Variants in ENOX1 observed in about 807,000 individuals in gnomAD.
ENOX1 encodes the protein ecto-NOX disulfide-thiol exchanger 1, also known as candidate growth-related and time keeping constitutive hydroquinone (NADH) oxidase.
In ENOX1, 42 loss-of-function variants were observed where a neutral mutation model predicts 82.5. That is an observed-to-expected ratio of 0.51 (90% CI 0.40 to 0.66). The LOEUF is 0.66. Among genes scored for constraint, ENOX1 ranks in the 30% least tolerant of loss-of-function variants. The pLI, the probability that ENOX1 is intolerant of heterozygous loss-of-function variation, is 0.00. For missense variants in ENOX1, 608 were observed against 811.6 expected (o/e 0.75, Z 3.05); for synonymous variants, 271 against 282.2 (o/e 0.96, Z 0.40).
intron 11 of ENOX1, among the ~76,000 whole-genome samples, chr13:43,319,372 T>C (rs1239614869): frequency 6.6e-6 from 1 of 152,152 alleles, no homozygotes; most frequent in African/African-American, 2.4e-5. Flanking sequence ...GCCAAAGACA[T>C]ATTGCAAATT....
chr13:43,586,726 C>T (rs969170566), intron 2 of ENOX1, among the ~76,000 whole-genome samples: 2 of 152,160 alleles, frequency 1.3e-5, no homozygotes, highest in East Asian at 3.9e-4. Flanking sequence ...CCCAGTCAGA[C>T]ACCATGTCCT....
intron 14 of ENOX1, among the ~76,000 whole-genome samples, chr13:43,254,290 G>A (rs2043625481): frequency 6.6e-6 from 1 of 152,070 alleles, no homozygotes; most frequent in South Asian, 2.1e-4. Context: ...ATATATCTAA[G>A]TATTGTTCTC....
chr13:43,316,927 C>T (rs1446507910), intron 11 of ENOX1, among the ~76,000 whole-genome samples: 1 of 152,192 alleles, frequency 6.6e-6, no homozygotes, highest in African/African-American at 2.4e-5. Flanking sequence ...ATCACATTTC[C>T]TTGTTTGGCC....
At chr13:43,451,110 A>G (rs1336097243) in intron 3 of ENOX1, among the ~76,000 whole-genome samples, 1 of 152,192 alleles carries the variant, frequency 6.6e-6, no homozygotes, top group Non-Finnish European at 1.5e-5. Context: ...AGAAGTAAAA[A>G]TATCATGAAG....
chr13:43,276,946 A>C (rs1374276615), intron 12 of ENOX1, among the ~76,000 whole-genome samples: 2 of 152,100 alleles, frequency 1.3e-5, no homozygotes, highest in Non-Finnish European at 2.9e-5. Flanking sequence ...ATGAAACTGC[A>C]CTCAATTTAC....
At chr13:43,547,618 G>A (rs915935520) in intron 2 of ENOX1, 1 of 152,148 alleles carries the variant, frequency 6.6e-6, no homozygotes, top group Non-Finnish European at 1.5e-5. Context: ...AGGTCTAAAG[G>A]AATACTTTCA....
chr13:43,305,607 A>C (rs2046813701), intron 11 of ENOX1, among the ~76,000 whole-genome samples: 1 of 152,136 alleles, frequency 6.6e-6, no homozygotes, highest in African/African-American at 2.4e-5. Context: ...CTTCCTGAGG[A>C]AGTACTCTGC....
At chr13:43,490,858 G>T (rs2076594846) in intron 2 of ENOX1, among the ~76,000 whole-genome samples, 1 of 152,174 alleles carries the variant, frequency 6.6e-6, no homozygotes, top group Non-Finnish European at 1.5e-5. Flanking sequence ...CTAAGAGAGT[G>T]AGCCTGCAAT....
At chr13:43,252,093 G>A (rs910243628) in intron 14 of ENOX1, among the ~76,000 whole-genome samples, 2 of 152,180 alleles carry the variant, frequency 1.3e-5, no homozygotes, top group Admixed American at 1.3e-4. Flanking sequence ...TTGCAAATTA[G>A]ATTCTGCAAG....
intron 9 of ENOX1, among the ~76,000 whole-genome samples, chr13:43,343,018 T>C (rs2153543605): frequency 6.6e-6 from 1 of 152,358 alleles, no homozygotes; most frequent in Middle Eastern, 3.4e-3. Flanking sequence ...TGAGTCTTCC[T>C]TGCTCATTAG....
rs918165398 is a variant in ENOX1, at chr13:43,637,822, C to T, written c.-219+29657G>A. Among the ~76,000 whole-genome samples, 17 of 152,138 alleles carry T rather than the reference C, an allele frequency of 1.1e-4. 1 individual carries two copies. Among genetic ancestry groups the T allele is most frequent in the Admixed American group, 5.2e-4 (8 of 15,278 alleles). Reference sequence around the variant, plus strand: ...TAACAAATAATTTGAAAATGACAGACACATTTCACCTTCACCCTGCCAGGA... The same window carrying T: ...TAACAAATAATTTGAAAATGACAGATACATTTCACCTTCACCCTGCCAGGA... On this transcript the variant is annotated intron_variant, in intron 2 of 16. Coordinates refer to ENST00000690772, the MANE Select transcript of ENOX1 (RefSeq NM_001347969.2).
intron 1 of ENOX1, among the ~76,000 whole-genome samples, chr13:43,720,963 AG>A (rs2088530385): frequency 6.6e-6 from 1 of 152,242 alleles, no homozygotes; most frequent in Non-Finnish European, 1.5e-5. Flanking sequence ...TGTTCTAAAT[AG>A]TAGTCAACCA....
At chr13:43,596,589 TA>T (rs760457263) in intron 2 of ENOX1, among the ~76,000 whole-genome samples, 45 of 152,222 alleles carry the variant, frequency 3.0e-4, no homozygotes, top group Non-Finnish European at 5.7e-4. Context: ...AACCTAGCAT[TA>T]TTTTTTTCTA....
chr13:43,387,968 C>A (rs1036339663), intron 5 of ENOX1, among the ~76,000 whole-genome samples: 1 of 152,038 alleles, frequency 6.6e-6, no homozygotes, highest in African/African-American at 2.4e-5. Flanking sequence ...GAAAAGTTAA[C>A]CATAGGTGGG....
At chr13:43,273,906 T>C (rs1003402019) in intron 12 of ENOX1, among the ~76,000 whole-genome samples, 4 of 152,190 alleles carry the variant, frequency 2.6e-5, no homozygotes, top group Admixed American at 1.3e-4. Context: ...TTACCTCTAA[T>C]ATATAATAGC....
At chr13:43,682,603 A>G (rs1389973818) in intron 1 of ENOX1, among the ~76,000 whole-genome samples, 1 of 152,184 alleles carries the variant, frequency 6.6e-6, no homozygotes, top group African/African-American at 2.4e-5. Context: ...AAAAAGTAGA[A>G]TTCAACATTA....
intron 2 of ENOX1, among the ~76,000 whole-genome samples, chr13:43,608,042 A>C (rs528777646): frequency 6.6e-6 from 1 of 152,342 alleles, no homozygotes; most frequent in Non-Finnish European, 1.5e-5. Context: ...GAATCATTCC[A>C]TCATGTGACA....
At chr13:43,483,666 T>C (rs565273138) in intron 3 of ENOX1, among the ~76,000 whole-genome samples, 1 of 152,300 alleles carries the variant, frequency 6.6e-6, no homozygotes, top group Non-Finnish European at 1.5e-5. Flanking sequence ...TCTTAAACAA[T>C]TGAAAGTACT....
intron 2 of ENOX1, among the ~76,000 whole-genome samples, chr13:43,637,930 T>A (rs892591331): frequency 6.6e-6 from 1 of 152,196 alleles, no homozygotes; most frequent in Non-Finnish European, 1.5e-5. Flanking sequence ...AAGACTCCCA[T>A]TATAATTTTC....
Sources: gnomAD v4.1 joint callset for allele counts (sites outside exome capture counted in the v4.1 genomes callset) on GRCh38, gnomAD v4.1.1 for gene constraint, MANE v1.5 for transcripts, NCBI Gene and HGNC (gene_info 2026-07-23, HGNC 2026-07-21) for gene names.